Variants in KCNJ16 observed in about 807,000 individuals in gnomAD.
KCNJ16 encodes the protein inward rectifier potassium channel 16.
In KCNJ16, 15 loss-of-function variants were observed where a neutral mutation model predicts 18.5. The ratio of observed to expected loss-of-function variants is 0.81; its 90% CI spans 0.54 to 1.25. The LOEUF (loss-of-function observed/expected upper bound fraction) is 1.25. Among genes scored for constraint, KCNJ16 ranks in the 50% most tolerant of loss-of-function variants. The probability of loss-of-function intolerance (pLI) is 0.00; values close to 1 mark genes in which losing one functional copy is unlikely to be tolerated. For missense variants in KCNJ16, 523 were observed against 525.7 expected (o/e 0.99, Z 0.05); for synonymous variants, 174 against 186.5 (o/e 0.93, Z 0.55).
chr17:70,095,884 T>C (rs2072344425), intron 1 of KCNJ16, among the ~76,000 whole-genome samples: 2 of 128,174 alleles, frequency 1.6e-5, no homozygotes, highest in East Asian at 2.3e-4. Context: ...TTTTTTTTTT[T>C]TTTTTTTTTT....
intron 2 of KCNJ16, among the ~76,000 whole-genome samples, chr17:70,113,248 A>G (rs963577947): frequency 2.0e-5 from 3 of 152,202 alleles, no homozygotes; most frequent in African/African-American, 7.2e-5. Context: ...AAATGCTGGG[A>G]AAAGTCTTAA....
chr17:70,078,425 T>A (rs1037256293), intron 1 of KCNJ16, among the ~76,000 whole-genome samples: 34 of 152,228 alleles, frequency 2.2e-4, no homozygotes, highest in African/African-American at 8.0e-4. Context: ...ATTTTCCTTA[T>A]ATGAAAATAG....
intron 1 of KCNJ16, among the ~76,000 whole-genome samples, chr17:70,098,665 T>C (rs2072492647): frequency 6.6e-6 from 1 of 152,164 alleles, no homozygotes; most frequent in Non-Finnish European, 1.5e-5. Context: ...TTTCTAGCAC[T>C]GTCATCGAAG....
chr17:70,129,039 G>GCAGGCTGCTGACT (rs2073966202), intron 2 of KCNJ16, among the ~76,000 whole-genome samples: 1 of 152,220 alleles, frequency 6.6e-6, no homozygotes, highest in Non-Finnish European at 1.5e-5. Flanking sequence ...TCTTGCTGAC[G>GCAGGCTGCTGACT]CAGGCTGCTG....
intron 1 of KCNJ16, among the ~76,000 whole-genome samples, chr17:70,081,927 T>C (rs773997834): frequency 1.6e-4 from 24 of 152,140 alleles, no homozygotes; most frequent in Non-Finnish European, 2.9e-4. Context: ...ATTTTAGACA[T>C]GAAAATAATA....
chr17:70,103,567 GCCT>G (rs1372115365), intron 2 of KCNJ16, among the ~76,000 whole-genome samples: 2 of 151,694 alleles, frequency 1.3e-5, no homozygotes, highest in Non-Finnish European at 1.5e-5. Context: ...CTTAGTTATA[GCCT>G]CCTCATTTTC....
chr17:70,102,518 T>C (rs2072692212), intron 2 of KCNJ16, among the ~76,000 whole-genome samples: 1 of 152,016 alleles, frequency 6.6e-6, no homozygotes, highest in Non-Finnish European at 1.5e-5. Flanking sequence ...GAGCCACCGC[T>C]ACCTGCACAA....
intron 2 of KCNJ16, among the ~76,000 whole-genome samples, chr17:70,107,535 T>C (rs745942964): frequency 6.6e-6 from 1 of 152,182 alleles, no homozygotes; most frequent in Non-Finnish European, 1.5e-5. Context: ...TGTTTTGTTT[T>C]CTTTGAGCCC....
At chr17:70,116,596 C>T (rs2073416148) in intron 2 of KCNJ16, among the ~76,000 whole-genome samples, 1 of 152,130 alleles carries the variant, frequency 6.6e-6, no homozygotes, top group African/African-American at 2.4e-5. Context: ...GGGGGAGTCA[C>T]ATTTCTAGTA....
intron 1 of KCNJ16, among the ~76,000 whole-genome samples, chr17:70,090,156 C>A (rs1042484182): frequency 6.6e-6 from 1 of 152,224 alleles, no homozygotes; most frequent in Admixed American, 6.5e-5. Context: ...GCTGTTTCTG[C>A]TTCTGTCCAA....
intron 3 of KCNJ16, 98 bp from the exon 4 acceptor site, chr17:70,131,897 T>G (rs1341548022): frequency 2.0e-6 from 2 of 1,004,444 alleles, no homozygotes; most frequent in African/African-American, 1.6e-5. Flanking sequence ...AAGTCGTAGC[T>G]ATTTTAGATG....
At chr17:70,118,597 G>T (rs553071221) in intron 2 of KCNJ16, among the ~76,000 whole-genome samples, 1 of 152,104 alleles carries the variant, frequency 6.6e-6, no homozygotes, top group South Asian at 2.1e-4. Flanking sequence ...GTGAAAGCAG[G>T]AGCAAGTGAG....
At chr17:70,110,839 C>G (rs2073155484) in intron 2 of KCNJ16, among the ~76,000 whole-genome samples, 1 of 152,092 alleles carries the variant, frequency 6.6e-6, no homozygotes, top group Admixed American at 6.6e-5. Flanking sequence ...CTCAGAGCAC[C>G]CCTCCCATGT....
At chr17:70,125,540 C>G (rs1464144063) in intron 2 of KCNJ16, among the ~76,000 whole-genome samples, 1 of 152,164 alleles carries the variant, frequency 6.6e-6, no homozygotes, top group African/African-American at 2.4e-5. Context: ...CTGGAAAAGG[C>G]TCCTGGTCCA....
chr17:70,130,512 A>G (rs2074019120), intron 2 of KCNJ16, among the ~76,000 whole-genome samples: 2 of 152,186 alleles, frequency 1.3e-5, no homozygotes, highest in Non-Finnish European at 2.9e-5. Flanking sequence ...AGTGGAGTCC[A>G]TCCTTGTAAG....
chr17:70,095,870 CTTTTTTTTTTT>C (rs147216245), intron 1 of KCNJ16, among the ~76,000 whole-genome samples: 8 of 95,390 alleles, frequency 8.4e-5, no homozygotes, highest in Admixed American at 2.7e-4. Context: ...TTACTTAATC[CTTTTTTTTTTT>C]TTTTTTTTTT....
chr17:70,099,660 G>T (rs548271376), intron 1 of KCNJ16, among the ~76,000 whole-genome samples: 1 of 152,094 alleles, frequency 6.6e-6, no homozygotes, highest in African/African-American at 2.4e-5. Context: ...TCTTTCTCAT[G>T]GCATTTCTTC....
At chr17:70,100,379 T>C (rs766898019) in intron 1 of KCNJ16, among the ~76,000 whole-genome samples, 2 of 152,166 alleles carry the variant, frequency 1.3e-5, no homozygotes, top group Non-Finnish European at 2.9e-5. Context: ...ACGCCTTTCA[T>C]TTGTGGATCT....
chr17:70,087,666 C>A (rs1221205703), intron 1 of KCNJ16, among the ~76,000 whole-genome samples: 2 of 152,034 alleles, frequency 1.3e-5, no homozygotes, highest in African/African-American at 2.4e-5. Flanking sequence ...GAGATTGCAC[C>A]ACTGCACTCC....
Sources: allele counts gnomAD v4.1 joint callset (sites outside exome capture counted in the v4.1 genomes callset), GRCh38; gene constraint gnomAD v4.1.1; transcripts MANE v1.5; gene names NCBI Gene and HGNC (gene_info 2026-07-23, HGNC 2026-07-21).